Variants in C5 observed in about 807,000 individuals in gnomAD.
C5 encodes the protein C3 and PZP-like alpha-2-macroglobulin domain-containing protein 4.
A neutral mutation model predicts 218.8 loss-of-function variants in C5; 140 were observed. That is an observed-to-expected ratio of 0.64 (90% CI 0.56 to 0.74). C5 has a LOEUF of 0.74. Ranked by LOEUF, C5 falls within the 30% of genes least tolerant of loss-of-function variation. The probability of loss-of-function intolerance (pLI) is 0.00; values close to 1 mark genes in which losing one functional copy is unlikely to be tolerated. For synonymous variants in C5, 614 were observed against 682.3 expected (o/e 0.90, Z 1.56); for missense variants, 1,700 against 1,969.6 (o/e 0.86, Z 2.59).
Position 121,016,243 on chromosome 9 carries a change from G to A in C5, c.1996+11C>T. On this transcript the variant is annotated intron_variant, in intron 15 of 40. Transcript: ENST00000223642. ...TGGGATTTTCAGTAATAAACATGCTGAGCATTTTACCATTTTCTTGGGAGT... is the reference window on the plus strand; with the variant it reads ...TGGGATTTTCAGTAATAAACATGCTAAGCATTTTACCATTTTCTTGGGAGT... 1 of 1,613,812 alleles carries A rather than the reference G, an allele frequency of 6.2e-7. No homozygotes were observed. Among genetic ancestry groups the A allele is most frequent in the Non-Finnish European group, 8.5e-7 (1 of 1,179,772 alleles).
At chr9:121,028,610 C>T (rs915367838) in intron 7 of C5, among the ~76,000 whole-genome samples, 12 of 152,030 alleles carry the variant, frequency 7.9e-5, no homozygotes, top group Non-Finnish European at 1.5e-4. Flanking sequence ...AACCAAATGC[C>T]GCATGTTCTC....
chr9:120,991,177 AT>A lies in C5; in HGVS notation c.2941+13del. On this transcript the variant is annotated intron_variant, in intron 23 of 40. Coordinates refer to ENST00000223642, the MANE Select transcript of C5 (RefSeq NM_001735.3). The stretch of plus-strand genomic sequence containing the variant: ...AAGTGAAATGAGAAATAAAAATGGC[AT>A]TTGTTAATTTACCTTTTACACTCAA... The A allele has an allele frequency of 2.1e-6, 3 of 1,427,028 alleles. 1 individual carries two copies. In the South Asian group the frequency reaches 3.4e-5, roughly 16 times the overall value. 88.4% of individuals were successfully genotyped at this position (1,427,028 alleles called of 1,614,324 possible). A position where few individuals can be genotyped will look rare whatever the true frequency, so the allele number is the denominator to read the frequency against.
intron 25 of C5, among the ~76,000 whole-genome samples, chr9:120,988,759 A>C (rs765948040): frequency 6.6e-6 from 1 of 152,234 alleles, no homozygotes; most frequent in African/African-American, 2.4e-5. Context: ...AAGAGGATCA[A>C]GGGCTGAACC....
chr9:121,070,417 A>ATATATG, the C5 span, among the ~76,000 whole-genome samples: 3 of 128,548 alleles, frequency 2.3e-5, no homozygotes, highest in African/African-American at 9.0e-5. Context: ...ATATATATAT[A>ATATATG]TATATATATG....
At chr9:121,060,234 C>T in the C5 span, among the ~76,000 whole-genome samples, 1 of 152,088 alleles carries the variant, frequency 6.6e-6, no homozygotes, top group Non-Finnish European at 1.5e-5. Context: ...GCGCCACCTG[C>T]TGGTATTAAC....
At chr9:120,968,057 G>A (rs2046882524) in intron 33 of C5, among the ~76,000 whole-genome samples, 1 of 152,050 alleles carries the variant, frequency 6.6e-6, no homozygotes, top group Non-Finnish European at 1.5e-5. Flanking sequence ...TTAGGATGGT[G>A]GCTGTGGTAA....
intron 17 of C5, among the ~76,000 whole-genome samples, chr9:121,013,285 C>G (rs2047277905): frequency 6.8e-6 from 1 of 146,546 alleles, no homozygotes; most frequent in South Asian, 2.1e-4. Flanking sequence ...CACCACTGCA[C>G]TCCAGCCTGG....
At chr9:121,036,177 C>T (rs901691341) in intron 4 of C5, among the ~76,000 whole-genome samples, 4 of 152,196 alleles carry the variant, frequency 2.6e-5, no homozygotes, top group African/African-American at 4.8e-5. Context: ...GTAAAACTTA[C>T]AGAAGCCTAT....
At chr9:120,964,448 A>G (rs2046851583) in intron 33 of C5, among the ~76,000 whole-genome samples, 2 of 152,232 alleles carry the variant, frequency 1.3e-5, no homozygotes, top group Admixed American at 1.3e-4. Context: ...CCTGGACGAC[A>G]GAGTGAGAAT....
intron 33 of C5, among the ~76,000 whole-genome samples, chr9:120,965,105 T>G (rs2046857277): frequency 6.6e-6 from 1 of 152,088 alleles, no homozygotes; most frequent in South Asian, 2.1e-4. Flanking sequence ...AAAGACAGCT[T>G]CATAAGGGGT....
intron 32 of C5, 53 bp from the exon 33 acceptor site, chr9:120,969,171 C>T (rs1174647672): frequency 5.5e-6 from 8 of 1,447,692 alleles, no homozygotes; most frequent in Non-Finnish European, 7.8e-6. Flanking sequence ...AAACTGTTTT[C>T]AGCTGCTTTG....
At chr9:121,064,860 T>C in the C5 span, among the ~76,000 whole-genome samples, 4 of 152,088 alleles carry the variant, frequency 2.6e-5, no homozygotes, top group East Asian at 7.7e-4. Context: ...AGGTCAGGAG[T>C]TCGAGACCAG....
Position 120,989,608 on chromosome 9 carries a change from T to C in C5, c.3114A>G (p.Pro1038=). ...GNHWNIFHSD[P]LIEKQKLKKK... Reference sequence around the variant, plus strand: ...TCTTCAGTTTCTGCTTTTCAATTAATGGGTCAGAATGAAAAATGTTCCAAT... The same window carrying C: ...TCTTCAGTTTCTGCTTTTCAATTAACGGGTCAGAATGAAAAATGTTCCAAT... The change falls in exon 24 of 41, where the codon CCA becomes CCG. Residue 1038 remains proline, a synonymous_variant. Coordinates refer to ENST00000223642, the MANE Select transcript of C5 (RefSeq NM_001735.3). The C allele has an allele frequency of 6.2e-7, 1 of 1,612,502 alleles. No homozygotes were observed. The highest frequency in any genetic ancestry group is 8.5e-7 in the Non-Finnish European group (1 of 1,179,226).
chr9:121,042,172 C>T (rs1356240743), intron 3 of C5, among the ~76,000 whole-genome samples: 2 of 152,156 alleles, frequency 1.3e-5, no homozygotes, highest in Non-Finnish European at 2.9e-5. Context: ...ACTTAAAAGT[C>T]ATTGATGACG....
chr9:121,021,769 C>T (rs2047368087), intron 10 of C5, 75 bp from the exon 11 acceptor site: 2 of 1,257,412 alleles, frequency 1.6e-6, no homozygotes, highest in Middle Eastern at 1.9e-4. Context: ...AAATAATTTT[C>T]CTTCCTCCCC....
In C5 at chr9:121,030,434, T is replaced by C; in HGVS notation, c.721A>G (p.Lys241Glu). Reference protein sequence around the residue: ...IEPEYNFIGYKNFKNFEITIK... With the variant: ...IEPEYNFIGYENFKNFEITIK... ...GTAATTTCAAAATTCTTAAAGTTCT[T>C]GTAACCAATGAAATTATATTCTGGC... The change falls in exon 7 of 41, where the codon AAG (lysine) becomes GAG (glutamate). Residue 241 changes from lysine (K) to glutamate (E), a missense_variant. Coordinates refer to ENST00000223642, the MANE Select transcript of C5 (RefSeq NM_001735.3). 6 of 1,541,458 alleles carry C rather than the reference T, an allele frequency of 3.9e-6. No individual in the cohort carries two copies. In the South Asian group the frequency reaches 6.1e-5, roughly 16 times the overall value.
At chr9:121,024,600 C>T (rs544132554) in intron 9 of C5, among the ~76,000 whole-genome samples, 2 of 152,126 alleles carry the variant, frequency 1.3e-5, no homozygotes, top group South Asian at 4.1e-4. Flanking sequence ...TTCATCTGCC[C>T]TCTCTCTGGA....
At chr9:121,062,464 T>C in the C5 span, among the ~76,000 whole-genome samples, 1 of 152,350 alleles carries the variant, frequency 6.6e-6, no homozygotes, top group South Asian at 2.1e-4. Context: ...TGCATGCTCA[T>C]GAAGCCAGCT....
intron 9 of C5, among the ~76,000 whole-genome samples, chr9:121,024,069 A>G (rs1375028175): frequency 2.0e-5 from 3 of 148,332 alleles, no homozygotes; most frequent in African/African-American, 7.5e-5. Context: ...GAAAACAAAA[A>G]AAGTGCCAGG....
Sources: gnomAD v4.1 joint callset for allele counts (sites outside exome capture counted in the v4.1 genomes callset) on GRCh38, gnomAD v4.1.1 for gene constraint, MANE v1.5 for transcripts, NCBI Gene and HGNC (gene_info 2026-07-23, HGNC 2026-07-21) for gene names.